The following CUX2 variants were observed in gnomAD, a reference collection of about 807,000 sequenced individuals.
CUX2 encodes the protein cut like homeobox 2, also known as homeobox protein cut-like 2.
Under a neutral mutation model 144.8 loss-of-function variants are expected in CUX2, and 40 were observed. The observed-to-expected ratio is 0.28, with a 90% CI of 0.21 to 0.36. The LOEUF (loss-of-function observed/expected upper bound fraction) is 0.36. CUX2 is among the 10% of genes least tolerant of loss of function. The pLI is 1.00. For synonymous variants in CUX2, 827 were observed against 875.6 expected (o/e 0.94, Z 0.98); for missense variants, 1,615 against 1,994.0 (o/e 0.81, Z 3.62).
chr12:111,321,973 G>A (rs1887555757), intron 17 of CUX2, among the ~76,000 whole-genome samples: 2 of 152,108 alleles, frequency 1.3e-5, no homozygotes, highest in South Asian at 4.2e-4. Flanking sequence ...CACATGGCAG[G>A]CACCTATGAG....
chr12:111,138,004 A>T (rs1175666867), intron 1 of CUX2, among the ~76,000 whole-genome samples: 1 of 152,254 alleles, frequency 6.6e-6, no homozygotes, highest in Non-Finnish European at 1.5e-5. Flanking sequence ...ATCTGGAAAG[A>T]GACCGTATGG....
At chr12:111,292,626 A>T (rs919344780) in intron 5 of CUX2, among the ~76,000 whole-genome samples, 2 of 152,122 alleles carry the variant, frequency 1.3e-5, no homozygotes, top group African/African-American at 4.8e-5. Context: ...TGCTGAGTGG[A>T]AAATGCCAGA....
chr12:111,298,611 C>A, intron 9 of CUX2, 22 bp downstream of exon 9: 1 of 1,557,094 alleles, frequency 6.4e-7, no homozygotes, highest in South Asian at 1.2e-5. Context: ...CAGTTCCCAC[C>A]CGTGGGTGCC....
At position 111,109,361 on chromosome 12, in the gene CUX2, CGAGAGTTTTAAAAAATATCATT is replaced by C. The variant is rs568040744; in HGVS notation, c.63+75123_63+75144del. ...CCTAACATCCTCCAAAGGTGGCCTA[CGAGAGTTTTAAAAAATATCATT>C]GTAAGCCCATAGTTGCAAGTGTAAC... On this transcript the variant is annotated intron_variant, in intron 1 of 21. Transcript: ENST00000261726. Among the ~76,000 whole-genome samples, 81 of 152,276 alleles carry C rather than the reference CGAGAGTTTTAAAAAATATCATT, an allele frequency of 5.3e-4. 1 individual carries two copies. The highest frequency in any genetic ancestry group is 2.3e-3 in the South Asian group (11 of 4,820).
At chr12:111,047,927 G>C (rs1870077278) in intron 1 of CUX2, among the ~76,000 whole-genome samples, 1 of 152,218 alleles carries the variant, frequency 6.6e-6, no homozygotes, top group Non-Finnish European at 1.5e-5. Flanking sequence ...CCATGAAGAG[G>C]AGCTGTGCAG....
chr12:111,259,432 C>T (rs1883999664), intron 3 of CUX2, among the ~76,000 whole-genome samples: 1 of 152,114 alleles, frequency 6.6e-6, no homozygotes, highest in Non-Finnish European at 1.5e-5. Flanking sequence ...ACTTTATTTA[C>T]ACAAACAGAT....
At chr12:111,280,045 A>G (rs1436493128) in intron 4 of CUX2, among the ~76,000 whole-genome samples, 1 of 152,170 alleles carries the variant, frequency 6.6e-6, no homozygotes, top group Non-Finnish European at 1.5e-5. Context: ...GCACTTTGGG[A>G]GGCTGAGGTG....
In CUX2 at chr12:111,320,688, C is replaced by T; in HGVS notation, c.2679C>T (p.Tyr893=). 2 of 1,596,062 alleles carry T rather than the reference C, an allele frequency of 1.3e-6. No homozygotes were observed. Among genetic ancestry groups the T allele is most frequent in the Non-Finnish European group, 1.7e-6 (2 of 1,178,774 alleles). Residue 893 remains tyrosine (Y), a synonymous_variant, in exon 17 of 22, where the codon TAC becomes TAT. Coordinates refer to ENST00000261726, the MANE Select transcript of CUX2 (RefSeq NM_015267.4). This position sits in a 1 kb window ranked among gnomAD's most constrained non-coding sequence, Gnocchi z 8.1. ...LTPEQYELYM[Y]REVDTLELTR... Reference sequence around the variant, plus strand: ...CCGAGCAGTACGAGCTGTACATGTACCGTGAGGTAGACACGCTGGAGCTCA... The same window carrying T: ...CCGAGCAGTACGAGCTGTACATGTATCGTGAGGTAGACACGCTGGAGCTCA...
intron 1 of CUX2, among the ~76,000 whole-genome samples, chr12:111,164,942 G>A (rs1241485515): frequency 6.6e-6 from 1 of 152,142 alleles, no homozygotes; most frequent in Non-Finnish European, 1.5e-5. Flanking sequence ...TAAAGTTTTA[G>A]GGCCAGCCAT....
intron 19 of CUX2, among the ~76,000 whole-genome samples, 188 bp downstream of exon 19, chr12:111,334,898 A>G (rs997308772): frequency 2.6e-5 from 4 of 152,164 alleles, no homozygotes; most frequent in Non-Finnish European, 4.4e-5. Context: ...GCAAGATCTC[A>G]TATCTTAAAA....
intron 18 of CUX2, among the ~76,000 whole-genome samples, chr12:111,329,828 G>C (rs1888011023): frequency 6.6e-6 from 1 of 152,082 alleles, no homozygotes; most frequent in Non-Finnish European, 1.5e-5. Flanking sequence ...GTAGAGATGG[G>C]GTTTCACCAT....
chr12:111,046,594 C>T (rs1027970079), intron 1 of CUX2, among the ~76,000 whole-genome samples: 5 of 152,174 alleles, frequency 3.3e-5, no homozygotes, highest in Non-Finnish European at 4.4e-5. Context: ...GGCTGTCTCA[C>T]GCCACTGCCG....
chr12:111,141,605 C>G (rs745445056), intron 1 of CUX2, among the ~76,000 whole-genome samples: 15 of 152,094 alleles, frequency 9.9e-5, no homozygotes, highest in Non-Finnish European at 1.2e-4. Flanking sequence ...TGACTTTTCC[C>G]CCAGGTCACA....
At chr12:111,274,851 GCT>G (rs1225626045) in intron 4 of CUX2, among the ~76,000 whole-genome samples, 2 of 151,798 alleles carry the variant, frequency 1.3e-5, no homozygotes, top group Non-Finnish European at 2.9e-5. Flanking sequence ...AGCCTTTCCG[GCT>G]CTGTGTTTCC....
At chr12:111,313,812 G>A (rs956761910) in intron 16 of CUX2, among the ~76,000 whole-genome samples, 2 of 152,168 alleles carry the variant, frequency 1.3e-5, no homozygotes, top group Non-Finnish European at 2.9e-5. Flanking sequence ...TGCTGGTGTG[G>A]CTGTCCCTCC....
chr12:111,182,625 T>C (rs551512741), intron 1 of CUX2, among the ~76,000 whole-genome samples: 4 of 152,300 alleles, frequency 2.6e-5, no homozygotes, highest in Admixed American at 6.5e-5. Context: ...CCGCTTGGAA[T>C]TGGCAACTGC....
At chr12:111,082,475 G>T (rs1028702226) in intron 1 of CUX2, among the ~76,000 whole-genome samples, 1 of 152,154 alleles carries the variant, frequency 6.6e-6, no homozygotes, top group African/African-American at 2.4e-5. Flanking sequence ...CAAGGACCGT[G>T]CTGGGCAAGT....
intron 1 of CUX2, among the ~76,000 whole-genome samples, chr12:111,073,411 C>CATTT (rs1457282154): frequency 6.6e-6 from 1 of 152,080 alleles, no homozygotes; most frequent in Non-Finnish European, 1.5e-5. Context: ...TGTTAAGGTA[C>CATTT]ATTTGAGTGG....
In CUX2 at chr12:111,072,001, T is replaced by C. The variant is rs112523329; in HGVS notation, c.63+37761T>C. Among the ~76,000 whole-genome samples the C allele has an allele frequency of 3.2e-3, 481 of 152,372 alleles. 2 individuals are homozygous for C. The highest frequency in any genetic ancestry group is 0.011 in the African/African-American group (461 of 41,584). ...GTCTATTCTTTCTCCAATACCACAC[T>C]GTCTTCATTACTGTAGCTTTATAGT... On this transcript the variant is annotated intron_variant, in intron 1 of 21. Transcript: ENST00000261726.
Sources: allele counts gnomAD v4.1 joint callset (sites outside exome capture counted in the v4.1 genomes callset), GRCh38; gene constraint gnomAD v4.1.1; non-coding constraint Gnocchi (gnomAD v3.1); transcripts MANE v1.5; gene names NCBI Gene and HGNC (gene_info 2026-07-23, HGNC 2026-07-21).